Variants in RNF13 observed in about 807,000 individuals in gnomAD.
RNF13 encodes ring finger protein 13, also known as E3 ubiquitin-protein ligase RNF13.
Under a neutral mutation model 37.7 loss-of-function variants are expected in RNF13, and 19 were observed. That is an observed-to-expected ratio of 0.50 (90% CI 0.35 to 0.74). The LOEUF (loss-of-function observed/expected upper bound fraction) is 0.74, where lower values mean the gene tolerates loss of function less well. RNF13 is among the 30% of genes least tolerant of loss of function. The pLI is 0.01. For missense variants in RNF13, 375 were observed against 453.0 expected (o/e 0.83, Z 1.56); for synonymous variants, 144 against 157.8 (o/e 0.91, Z 0.65).
At chr3:149,814,677 G>A (rs907443602) in intron 1 of RNF13, among the ~76,000 whole-genome samples, 3 of 152,152 alleles carry the variant, frequency 2.0e-5, no homozygotes, top group Non-Finnish European at 4.4e-5. Context: ...GAGGAAGATG[G>A]AAATGTAAAG....
intron 3 of RNF13, among the ~76,000 whole-genome samples, chr3:149,858,957 A>G (rs376166905): frequency 2.0e-4 from 31 of 152,318 alleles, no homozygotes; most frequent in African/African-American, 6.3e-4. Context: ...GGTGAAGGAA[A>G]ATGCAAACAT....
chr3:149,944,402 C>T (rs1720569051), intron 8 of RNF13, among the ~76,000 whole-genome samples: 1 of 152,146 alleles, frequency 6.6e-6, no homozygotes, highest in Non-Finnish European at 1.5e-5. Context: ...CACTGTCTTC[C>T]ACAATGGTTG....
chr3:149,887,376 A>G (rs1376294099), intron 4 of RNF13, among the ~76,000 whole-genome samples: 3 of 152,216 alleles, frequency 2.0e-5, no homozygotes, highest in Non-Finnish European at 4.4e-5. Flanking sequence ...TCCATCCAAC[A>G]ACAGATGTTG....
intron 4 of RNF13, among the ~76,000 whole-genome samples, chr3:149,878,493 C>A (rs1036581317): frequency 6.6e-6 from 1 of 152,060 alleles, no homozygotes; most frequent in Non-Finnish European, 1.5e-5. Context: ...GTAATATTGG[C>A]AGGATTGCTT....
Position 149,902,177 on chromosome 3 carries a change from TA to T in RNF13, c.500+21del. The T allele has an allele frequency of 1.7e-6, 2 of 1,206,988 alleles. No individual in the cohort carries two copies. Among genetic ancestry groups the T allele is most frequent in the East Asian group, 2.6e-5 (1 of 38,376 alleles). The allele number at this position is 1,206,988 out of a possible 1,614,324, so 74.8% of individuals were successfully genotyped here. On this transcript the variant is annotated intron_variant, in intron 6 of 9. Coordinates refer to ENST00000392894, the MANE Select transcript of RNF13 (RefSeq NM_183381.3). ...TATGAAAAAGGGTAAGTAATGGATATAAAAAATCATGTTGCTTAAAATTCTT... is the reference window on the plus strand; with the variant it reads ...TATGAAAAAGGGTAAGTAATGGATATAAAAATCATGTTGCTTAAAATTCTT...
chr3:149,870,384 T>A (rs914652918), intron 3 of RNF13, among the ~76,000 whole-genome samples: 1 of 151,710 alleles, frequency 6.6e-6, no homozygotes, highest in Non-Finnish European at 1.5e-5. Context: ...CTGGGAATGA[T>A]CTCTCCTTAT....
chr3:149,829,044 T>C (rs1267153154), intron 1 of RNF13, among the ~76,000 whole-genome samples: 1 of 152,196 alleles, frequency 6.6e-6, no homozygotes, highest in Non-Finnish European at 1.5e-5. Flanking sequence ...ACTATAACTT[T>C]GGGATTGAGA....
rs781221375 is a variant in RNF13 at position 149,903,933 on chromosome 3, GTCTA to G, written c.500+1775_500+1778del. On this transcript the variant is annotated intron_variant, in intron 6 of 9. Coordinates refer to ENST00000392894, the MANE Select transcript of RNF13 (RefSeq NM_183381.3). ...ACTCTATCTATCTATCTATATATCT[GTCTA>G]TCTGTCTGTCTGTCTGTCTGTCTGT... Among the ~76,000 whole-genome samples the G allele has an allele frequency of 9.0e-3, 1,276 of 141,318 alleles. 12 individuals are homozygous for G. The highest frequency in any genetic ancestry group is 0.03 in the African/African-American group (1,163 of 38,886). 92.7% of individuals were successfully genotyped at this position (141,318 alleles called of 152,430 possible).
intron 1 of RNF13, among the ~76,000 whole-genome samples, chr3:149,818,325 T>G (rs1350930554): frequency 6.6e-6 from 1 of 152,178 alleles, no homozygotes; most frequent in African/African-American, 2.4e-5. Flanking sequence ...TACTATGTAT[T>G]TGTACCTATT....
At chr3:149,907,070 T>C (rs1559942452) in intron 6 of RNF13, among the ~76,000 whole-genome samples, 1 of 152,222 alleles carries the variant, frequency 6.6e-6, no homozygotes, top group Non-Finnish European at 1.5e-5. Flanking sequence ...TGGAGTCTCC[T>C]CTTTCATTAC....
chr3:149,944,554 G>A (rs947431588), intron 8 of RNF13, among the ~76,000 whole-genome samples: 2 of 152,092 alleles, frequency 1.3e-5, no homozygotes, highest in African/African-American at 4.8e-5. Context: ...TTCTCTGATG[G>A]CCAGTGATGA....
intron 8 of RNF13, among the ~76,000 whole-genome samples, 181 bp downstream of exon 8, chr3:149,921,408 C>T (rs946348617): frequency 5.9e-5 from 9 of 152,108 alleles, no homozygotes; most frequent in Admixed American, 2.0e-4. Flanking sequence ...CCCATCAACT[C>T]GTCATTTACA....
At chr3:149,819,736 C>T (rs1719841794) in intron 1 of RNF13, among the ~76,000 whole-genome samples, 1 of 152,208 alleles carries the variant, frequency 6.6e-6, no homozygotes, top group Non-Finnish European at 1.5e-5. Context: ...TGCTAAACCA[C>T]AGTTTAGTTC....
At chr3:149,822,837 G>T (rs772537360) in intron 1 of RNF13, among the ~76,000 whole-genome samples, 1 of 151,992 alleles carries the variant, frequency 6.6e-6, no homozygotes, top group South Asian at 2.1e-4. Flanking sequence ...CATATTTATC[G>T]CAGAGTCTGG....
chr3:149,921,300 A>AT, intron 8 of RNF13, 73 bp downstream of exon 8: 1 of 469,576 alleles, frequency 2.1e-6, no homozygotes, highest in Non-Finnish European at 3.4e-6. Flanking sequence ...CTTTAAAAAA[A>AT]TTTTTATTAT....
At chr3:149,813,062 C>T (rs915540243), upstream of RNF13, 1 of 152,326 alleles carries the variant, frequency 6.6e-6, no homozygotes, top group Non-Finnish European at 1.5e-5. Flanking sequence ...ACGAGACTCG[C>T]AAACTGGGCA....
At position 149,897,826 on chromosome 3, in the gene RNF13, G is replaced by A. The variant is rs3772206; in HGVS notation, c.409+2266G>A. ...TCTTATACCAAGCAGAGATACTAAC[G>A]CCTGGAAACAAAAGGAAGTTGTAAA... On this transcript the variant is annotated intron_variant, in intron 5 of 9. Transcript: ENST00000392894. 4.6e-5 allele frequency among the ~76,000 whole-genome samples: 7 copies of A among 152,146 alleles called. No individual in the cohort carries two copies. The East Asian group carries it at 5.8e-4, about 13-fold the overall frequency.
intron 4 of RNF13, among the ~76,000 whole-genome samples, chr3:149,879,412 G>A (rs1020478783): frequency 1.3e-5 from 2 of 151,080 alleles, no homozygotes; most frequent in African/African-American, 2.4e-5. Context: ...GGGCTCAGGC[G>A]ATCCTTCCAC....
intron 6 of RNF13, among the ~76,000 whole-genome samples, chr3:149,907,554 G>C (rs1022509017): frequency 6.6e-6 from 1 of 152,266 alleles, no homozygotes; most frequent in Admixed American, 6.5e-5. Flanking sequence ...ATGACCTCTG[G>C]AGTAAGAGCT....
Sources: gnomAD v4.1 joint callset for allele counts (sites outside exome capture counted in the v4.1 genomes callset) on GRCh38, gnomAD v4.1.1 for gene constraint, MANE v1.5 for transcripts, NCBI Gene and HGNC (gene_info 2026-07-23, HGNC 2026-07-21) for gene names.